The following XKR4 variants were observed in gnomAD, a reference collection of about 807,000 sequenced individuals.
XKR4 encodes the protein XK related 4, also known as XK-related protein 4.
XKR4 carries 12 observed loss-of-function variants against 53.9 expected under a neutral mutation model. The observed-to-expected ratio is 0.22, with a 90% CI of 0.14 to 0.36. The LOEUF (loss-of-function observed/expected upper bound fraction) is 0.36, where lower values mean the gene tolerates loss of function less well. Among genes scored for constraint, XKR4 ranks in the 10% least tolerant of loss-of-function variants. XKR4 has a pLI of 1.00. For missense variants in XKR4, 799 were observed against 859.5 expected (o/e 0.93, Z 0.88); for synonymous variants, 354 against 362.4 (o/e 0.98, Z 0.26).
At chr8:55,246,616 A>G (rs573507805) in intron 1 of XKR4, among the ~76,000 whole-genome samples, 1 of 152,216 alleles carries the variant, frequency 6.6e-6, no homozygotes, top group East Asian at 1.9e-4. Flanking sequence ...TTGTTTTTCA[A>G]TCTGGGATGG....
At chr8:55,457,147 T>TTTTCTTTTTTC (rs1256704674) in intron 2 of XKR4, among the ~76,000 whole-genome samples, 2 of 51,448 alleles carry the variant, frequency 3.9e-5, no homozygotes, top group East Asian at 1.4e-3. Flanking sequence ...TTTCCTTTTC[T>TTTTCTTTTTTC]TTTTTTTTTT....
chr8:55,304,371 A>G lies in XKR4; in HGVS notation c.807-53307A>G, dbSNP rs528205757. Reference sequence around the variant, plus strand: ...GCTGTGGTCTGAGAGACAGTTTGTTATAATTTGTGTTCTTTTACATTTGCT... The same window carrying G: ...GCTGTGGTCTGAGAGACAGTTTGTTGTAATTTGTGTTCTTTTACATTTGCT... On this transcript the variant is annotated intron_variant, in intron 1 of 2. Coordinates refer to ENST00000327381, the MANE Select transcript of XKR4 (RefSeq NM_052898.2). 2.1e-4 allele frequency among the ~76,000 whole-genome samples: 32 copies of G among 152,280 alleles called. No individual in the cohort carries two copies. The South Asian group carries it at 6.4e-3, about 31-fold the overall frequency.
intron 1 of XKR4, among the ~76,000 whole-genome samples, chr8:55,206,410 C>T (rs1386060880): frequency 1.3e-5 from 2 of 152,104 alleles, no homozygotes; most frequent in African/African-American, 4.8e-5. Flanking sequence ...CTCCCAGTCC[C>T]CACCCACCCA....
chr8:55,302,737 T>C (rs934590028), intron 1 of XKR4, among the ~76,000 whole-genome samples: 12 of 152,290 alleles, frequency 7.9e-5, no homozygotes, highest in Admixed American at 5.9e-4. Flanking sequence ...GATTCCTAGG[T>C]ATTTTATTCT....
intron 2 of XKR4, among the ~76,000 whole-genome samples, chr8:55,501,183 T>G (rs1310757059): frequency 6.6e-6 from 1 of 152,220 alleles, no homozygotes; most frequent in African/African-American, 2.4e-5. Flanking sequence ...TGGTGCCAAA[T>G]TAGTACTCAG....
At chr8:55,387,333 T>C (rs2129388201) in intron 2 of XKR4, among the ~76,000 whole-genome samples, 1 of 145,614 alleles carries the variant, frequency 6.9e-6, no homozygotes, top group African/African-American at 2.5e-5. Flanking sequence ...TGGATCACCT[T>C]CTTTATTGCT....
chr8:55,498,426 A>G (rs1042862757), intron 2 of XKR4, among the ~76,000 whole-genome samples: 4 of 152,118 alleles, frequency 2.6e-5, no homozygotes, highest in Non-Finnish European at 5.9e-5. Flanking sequence ...CTGTCCAGGC[A>G]CCGAGCGCAT....
intron 1 of XKR4, among the ~76,000 whole-genome samples, chr8:55,349,975 T>C (rs371007583): frequency 6.6e-6 from 1 of 152,196 alleles, no homozygotes; most frequent in African/African-American, 2.4e-5. Context: ...CACTTTAATA[T>C]TTTGGTGTTA....
intron 2 of XKR4, among the ~76,000 whole-genome samples, chr8:55,521,905 A>G (rs1385274225): frequency 6.6e-6 from 1 of 152,240 alleles, no homozygotes; most frequent in Non-Finnish European, 1.5e-5. Flanking sequence ...TATATCCAAA[A>G]GAAGAGAAAG....
chr8:55,452,387 C>G (rs1262234626), intron 2 of XKR4: 1 of 630,110 alleles, frequency 1.6e-6, no homozygotes, highest in East Asian at 3.0e-5. Flanking sequence ...TGACCCGGTA[C>G]GTAGTGAGGA....
At chr8:55,130,882 TC>T (rs1174295259) in intron 1 of XKR4, among the ~76,000 whole-genome samples, 5 of 152,034 alleles carry the variant, frequency 3.3e-5, no homozygotes, top group African/African-American at 1.2e-4. Flanking sequence ...AAATGCAGAC[TC>T]TTGCGGTGGC....
chr8:55,525,779 A>G lies in XKR4; in HGVS notation c.*1552A>G, dbSNP rs893907080. 4.6e-5 allele frequency: 7 copies of G among 152,574 alleles called. No individual in the cohort carries two copies. The highest frequency in any genetic ancestry group is 1.2e-4 in the African/African-American group (5 of 41,438). The allele number at this position is 152,574 out of a possible 1,614,324, so 9.5% of individuals were successfully genotyped here. A position where few individuals can be genotyped will look rare whatever the true frequency, so the allele number is the denominator to read the frequency against. On this transcript the variant is annotated 3_prime_UTR_variant, in exon 3 of 3. Transcript: ENST00000327381. ...ACACATAGGCATCATCACATTTTTTATAGACCTGGAATCGTTTAAAATACT... is the reference window on the plus strand; with the variant it reads ...ACACATAGGCATCATCACATTTTTTGTAGACCTGGAATCGTTTAAAATACT...
chr8:55,484,476 A>G (rs1374736509), intron 2 of XKR4, among the ~76,000 whole-genome samples: 1 of 152,234 alleles, frequency 6.6e-6, no homozygotes. Context: ...ATACACCATA[A>G]CCAAGCAGGG....
intron 2 of XKR4, among the ~76,000 whole-genome samples, chr8:55,367,934 A>T (rs1585541401): frequency 6.6e-6 from 1 of 151,784 alleles, no homozygotes; most frequent in African/African-American, 2.4e-5. Context: ...CAGCAGCCAT[A>T]GCGATGCGTT....
At chr8:55,519,890 C>T (rs1343709047) in intron 2 of XKR4, among the ~76,000 whole-genome samples, 1 of 152,162 alleles carries the variant, frequency 6.6e-6, no homozygotes, top group African/African-American at 2.4e-5. Context: ...ATGATAAAGT[C>T]AGTTGACAAT....
intron 2 of XKR4, among the ~76,000 whole-genome samples, chr8:55,428,736 T>TCTATGCC (rs1354685966): frequency 2.0e-5 from 3 of 152,130 alleles, no homozygotes; most frequent in Non-Finnish European, 2.9e-5. Flanking sequence ...GTGCAGGACT[T>TCTATGCC]CTATGCCAAA....
intron 2 of XKR4, among the ~76,000 whole-genome samples, chr8:55,466,591 A>T (rs1377960035): frequency 2.0e-5 from 3 of 151,368 alleles, no homozygotes; most frequent in Non-Finnish European, 4.4e-5. Flanking sequence ...CATATGTAAC[A>T]AACCTGCACA....
At chr8:55,417,258 G>A (rs1563344954) in intron 2 of XKR4, among the ~76,000 whole-genome samples, 1 of 152,230 alleles carries the variant, frequency 6.6e-6, no homozygotes, top group Non-Finnish European at 1.5e-5. Context: ...GAATGGAGTA[G>A]ATGATGCCTT....
Position 55,532,337 on chromosome 8 carries a change from T to C in XKR4, c.*8110T>C, listed in dbSNP as rs1369752269. 6.6e-6 allele frequency: 1 copy of C among 152,210 alleles called. No individual in the cohort carries two copies. Among genetic ancestry groups the C allele is most frequent in the African/African-American group, 2.4e-5 (1 of 41,452 alleles). The allele number at this position is 152,210 out of a possible 1,614,324, so 9.4% of individuals were successfully genotyped here. On this transcript the variant is annotated 3_prime_UTR_variant, in exon 3 of 3. Coordinates refer to ENST00000327381, the MANE Select transcript of XKR4 (RefSeq NM_052898.2). ...ATTGGACCAGACAAAATGAAGCATATAATTACTGATATAATATTTGCTAAG... is the reference window on the plus strand; with the variant it reads ...ATTGGACCAGACAAAATGAAGCATACAATTACTGATATAATATTTGCTAAG...
Sources: gnomAD v4.1 joint callset for allele counts (sites outside exome capture counted in the v4.1 genomes callset) on GRCh38, gnomAD v4.1.1 for gene constraint, MANE v1.5 for transcripts, NCBI Gene and HGNC (gene_info 2026-07-23, HGNC 2026-07-21) for gene names.